FBXO33: variants seen among roughly 807,000 people sequenced by gnomAD.
FBXO33 encodes the protein F-box protein 33.
Under a neutral mutation model 46.3 loss-of-function variants are expected in FBXO33, and 22 were observed. That is an observed-to-expected ratio of 0.48 (90% CI 0.34 to 0.68). The LOEUF (loss-of-function observed/expected upper bound fraction) is 0.68. FBXO33 is among the 30% of genes least tolerant of loss of function. The pLI is 0.01. For synonymous variants in FBXO33, 337 were observed against 291.3 expected (o/e 1.16, Z -1.60); for missense variants, 692 against 708.8 (o/e 0.98, Z 0.27).
At chr14:39,405,649 C>G (rs547814469) in intron 1 of FBXO33, among the ~76,000 whole-genome samples, 4 of 152,046 alleles carry the variant, frequency 2.6e-5, no homozygotes, top group African/African-American at 7.2e-5. Flanking sequence ...AAATGAAAAA[C>G]TTGATATCCA....
At chr14:39,420,290 A>G (rs2075474886) in intron 1 of FBXO33, among the ~76,000 whole-genome samples, 1 of 152,228 alleles carries the variant, frequency 6.6e-6, no homozygotes, top group African/African-American at 2.4e-5. Flanking sequence ...TCTGTTATCA[A>G]TGGTATTGTG....
At chr14:39,417,144 G>T (rs141792610) in intron 1 of FBXO33, among the ~76,000 whole-genome samples, 1 of 152,194 alleles carries the variant, frequency 6.6e-6, no homozygotes, top group East Asian at 1.9e-4. Flanking sequence ...TAAAGGGAAA[G>T]GTTCCAAGCC....
chr14:39,414,962 C>T (rs1293426229), intron 1 of FBXO33, among the ~76,000 whole-genome samples: 2 of 152,082 alleles, frequency 1.3e-5, no homozygotes, highest in African/African-American at 4.8e-5. Flanking sequence ...ATATTATTAT[C>T]TCTTAGGGAT....
At chr14:39,409,492 A>G (rs948413459) in intron 1 of FBXO33, among the ~76,000 whole-genome samples, 6 of 152,184 alleles carry the variant, frequency 3.9e-5, no homozygotes, top group Non-Finnish European at 5.9e-5. Flanking sequence ...GCTTTGTAAT[A>G]TATTTTGAAA....
intron 1 of FBXO33, among the ~76,000 whole-genome samples, chr14:39,415,077 C>T (rs1316335795): frequency 1.3e-5 from 2 of 152,238 alleles, no homozygotes; most frequent in South Asian, 2.1e-4. Flanking sequence ...AGGTGTGGTT[C>T]GTGGGGCACC....
In FBXO33 at chr14:39,401,125, A is replaced by ATGTT. The variant is rs1162157767; in HGVS notation, c.1396+47_1396+50dup. 2.7e-6 allele frequency: 4 copies of ATGTT among 1,498,960 alleles called. No individual in the cohort carries two copies. The African/African-American group carries it at 5.6e-5, about 21-fold the overall frequency. 92.9% of individuals were successfully genotyped at this position (1,498,960 alleles called of 1,614,324 possible). A position where few individuals can be genotyped will look rare whatever the true frequency, so the allele number is the denominator to read the frequency against. On this transcript the variant is annotated intron_variant, in intron 3 of 3. Transcript: ENST00000298097. ...AGTGCTATCTCTTTACTGGCAGAAA[A>ATGTT]TGTTTTCGGTCTAATTCCAGTATCA...
intron 2 of FBXO33, 89 bp from the exon 3 acceptor site, chr14:39,401,950 A>G: frequency 2.8e-6 from 3 of 1,083,240 alleles, no homozygotes; most frequent in South Asian, 3.2e-5. Context: ...AATGAAAAGC[A>G]TGCAATTTTG....
intron 1 of FBXO33, among the ~76,000 whole-genome samples, chr14:39,419,929 GC>G (rs1197176181): frequency 1.3e-5 from 2 of 152,136 alleles, no homozygotes; most frequent in African/African-American, 2.4e-5. Context: ...CATAAACAGT[GC>G]TTGATAATCT....
chr14:39,401,306 G>C lies in FBXO33; in HGVS notation c.1266C>G (p.Leu422=). 1 of 1,614,046 alleles carries C rather than the reference G, an allele frequency of 6.2e-7. No individual in the cohort carries two copies. Among genetic ancestry groups the C allele is most frequent in the South Asian group, 1.1e-5 (1 of 91,058 alleles). Residue 422 remains leucine (L), a synonymous_variant, in exon 3 of 4, where the codon CTC becomes CTG. Coordinates refer to ENST00000298097, the MANE Select transcript of FBXO33 (RefSeq NM_203301.4). Reference sequence around the variant, plus strand: ...CATCATTCATTAAAATAAAATGAGTGAGGAACTTGTCATATTGCCTGGATA... The same window carrying C: ...CATCATTCATTAAAATAAAATGAGTCAGGAACTTGTCATATTGCCTGGATA... ...DLISRQYDKF[L]THFILMNDVI... is the part of the protein sequence containing the mutation.
At chr14:39,415,224 G>C (rs1407668921) in intron 1 of FBXO33, among the ~76,000 whole-genome samples, 1 of 152,120 alleles carries the variant, frequency 6.6e-6, no homozygotes, top group African/African-American at 2.4e-5. Context: ...CTTTAGCCCA[G>C]GAGGTGAGGC....
At chr14:39,401,148 T>C (rs778591767) in intron 3 of FBXO33, 28 bp downstream of exon 3, 9 of 1,538,648 alleles carry the variant, frequency 5.8e-6, no homozygotes, top group South Asian at 2.6e-5. Flanking sequence ...AATTCCAGTA[T>C]CAGATTACAA....
At position 39,401,481 on chromosome 14, in the gene FBXO33, G is replaced by T; in HGVS notation, c.1091C>A (p.Ser364Ter). Residue 364 changes from serine (S) to a stop codon, truncating the protein, a stop_gained, in exon 3 of 4, where the codon TCA becomes TAA. Transcript: ENST00000298097. LOFTEE classifies it high-confidence loss of function. ...GACCCGAAAGCTGGTGCTCTTTCGT[G>T]ACAGGGCTTTCCAATGCTCATCATT... Reference protein sequence around the residue: ...MPNDEHWKALSRKSTSFRVYI... With the variant: ...MPNDEHWKAL 1 of 1,614,114 alleles carries T rather than the reference G, an allele frequency of 6.2e-7. No individual in the cohort carries two copies. The highest frequency in any genetic ancestry group is 1.1e-5 in the South Asian group (1 of 91,042).
chr14:39,422,894 C>T (rs1342824782), intron 1 of FBXO33, among the ~76,000 whole-genome samples: 3 of 152,080 alleles, frequency 2.0e-5, no homozygotes, highest in Non-Finnish European at 2.9e-5. Context: ...GAAGCCAAGG[C>T]GGGTGGACCA....
chr14:39,415,013 T>G (rs955012798), intron 1 of FBXO33, among the ~76,000 whole-genome samples: 1 of 152,218 alleles, frequency 6.6e-6, no homozygotes, highest in Admixed American at 6.5e-5. Flanking sequence ...GGGGAAGGGC[T>G]GGTCCGTAGT....
Position 39,401,189 on chromosome 14 carries a change from A to G in FBXO33, c.1383T>C (p.Leu461=), listed in dbSNP as rs1176623454. Reference sequence around the variant, plus strand: ...AAGATCACCTACCATGAATTGCCAGAAGAGAGAGCTTTGTGCACCTCCATG... The same window carrying G: ...AAGATCACCTACCATGAATTGCCAGGAGAGAGAGCTTTGTGCACCTCCATG... ...LLAWRCTKLS[L]LAIHGYTVWA... The change falls in exon 3 of 4, where the codon CTT becomes CTC. Residue 461 remains leucine, a synonymous_variant. Coordinates refer to ENST00000298097, the MANE Select transcript of FBXO33 (RefSeq NM_203301.4). 6.3e-7 allele frequency: 1 copy of G among 1,584,290 alleles called. No homozygotes were observed. Among genetic ancestry groups the G allele is most frequent in the Non-Finnish European group, 8.6e-7 (1 of 1,168,382 alleles).
intron 1 of FBXO33, 68 bp downstream of exon 1, chr14:39,431,496 C>T: frequency 1.3e-6 from 2 of 1,596,416 alleles, no homozygotes; most frequent in African/African-American, 1.3e-5. Flanking sequence ...TGCACAGAAT[C>T]TGTGTCGGGG....
intron 1 of FBXO33, among the ~76,000 whole-genome samples, chr14:39,415,521 T>C (rs984516085): frequency 1.3e-5 from 2 of 152,226 alleles, no homozygotes; most frequent in African/African-American, 4.8e-5. Flanking sequence ...ATGTGGTATA[T>C]ATAATAGTGC....
chr14:39,432,251 C>G lies in FBXO33; in HGVS notation c.-89G>C. The G allele has an allele frequency of 9.3e-7, 1 of 1,079,452 alleles. No individual in the cohort carries two copies. Among genetic ancestry groups the G allele is most frequent in the Non-Finnish European group, 1.2e-6 (1 of 869,000 alleles). The allele number at this position is 1,079,452 out of a possible 1,614,324, so 66.9% of individuals were successfully genotyped here. On this transcript the variant is annotated 5_prime_UTR_variant, in exon 1 of 4. Transcript: ENST00000298097. ...TTGTGGAGAGGGGGAAAGGCCTCTG[C>G]GGGCGTGGCCTGCCGGGAGCCAGCC...
At position 39,431,590 on chromosome 14, in the gene FBXO33, G is replaced by C. The variant is rs772132602; in HGVS notation, c.573C>G (p.Cys191Trp). The C allele has an allele frequency of 6.2e-7, 1 of 1,613,042 alleles. No individual in the cohort carries two copies. The highest frequency in any genetic ancestry group is 1.1e-5 in the South Asian group (1 of 91,084). ...TGTTGTTCCGGATGCTGACCAGCAC[G>C]CAAAGCACCAGCTCCAAGTAGGTGC... Reference protein sequence around the residue: ...VLRTYLELVLCVLVSIRNNRN... With the variant: ...VLRTYLELVLWVLVSIRNNRN... The change falls in exon 1 of 4, where the codon TGC (cysteine) becomes TGG (tryptophan). Residue 191 changes from cysteine (C) to tryptophan (W), a missense_variant. By Grantham distance (215) the Cys-to-Trp change is radical. Transcript: ENST00000298097.
Sources: gnomAD v4.1 joint callset for allele counts (sites outside exome capture counted in the v4.1 genomes callset) on GRCh38, gnomAD v4.1.1 for gene constraint, MANE v1.5 for transcripts, NCBI Gene and HGNC (gene_info 2026-07-23, HGNC 2026-07-21) for gene names.